Variants in DPY19L1 observed in about 807,000 individuals in gnomAD.
DPY19L1 encodes dpy-19 like C-mannosyltransferase 1.
DPY19L1 carries 35 observed loss-of-function variants against 96.9 expected under a neutral mutation model. That is an observed-to-expected ratio of 0.36 (90% CI 0.28 to 0.48). The LOEUF is 0.48. Ranked by LOEUF, DPY19L1 falls within the 20% of genes least tolerant of loss-of-function variation. The pLI is 0.99. For missense variants in DPY19L1, 521 were observed against 777.9 expected, an observed-to-expected ratio of 0.67 and a Z score of 3.93; for synonymous variants, 205 against 252.6, an observed-to-expected ratio of 0.81 and a Z score of 1.79.
chr7:34,965,740 C>T (rs1006937003), intron 10 of DPY19L1, among the ~76,000 whole-genome samples: 7 of 151,996 alleles, frequency 4.6e-5, no homozygotes, highest in African/African-American at 1.7e-4. Context: ...AAGAAAACAT[C>T]AAAATTATAA....
intron 5 of DPY19L1, 119 bp downstream of exon 5, chr7:35,011,211 A>G (rs1373007938): frequency 1.4e-5 from 17 of 1,177,892 alleles, no homozygotes; most frequent in Non-Finnish European, 1.9e-5. Flanking sequence ...CAGAATCTAT[A>G]TATGCATAAT....
chr7:34,930,685 GT>G lies in DPY19L1; in HGVS notation c.*887del, dbSNP rs1055605929. On this transcript the variant is annotated 3_prime_UTR_variant, in exon 22 of 22. Coordinates refer to ENST00000638088, the MANE Select transcript of DPY19L1 (RefSeq NM_001366673.1). ...ACTATATTTGGGGTTGTTCAAAATA[GT>G]TTTTCTTAAAACTATAATTAAACAT... 4.6e-5 allele frequency: 7 copies of G among 152,140 alleles called. No homozygotes were observed. Among genetic ancestry groups the G allele is most frequent in the African/African-American group, 1.7e-4 (7 of 41,532 alleles). 9.4% of individuals were successfully genotyped at this position (152,140 alleles called of 1,614,324 possible).
intron 1 of DPY19L1, among the ~76,000 whole-genome samples, chr7:35,026,223 G>A (rs985154283): frequency 6.6e-6 from 1 of 152,192 alleles, no homozygotes; most frequent in Admixed American, 6.5e-5. Context: ...CAGTGTCCTG[G>A]AAACCAGTAG....
chr7:35,033,573 G>T (rs740500), intron 1 of DPY19L1, among the ~76,000 whole-genome samples: 1 of 152,064 alleles, frequency 6.6e-6, no homozygotes, highest in Admixed American at 6.6e-5. Flanking sequence ...CATTTTAAGG[G>T]TGAGAAATAT....
intron 1 of DPY19L1, among the ~76,000 whole-genome samples, chr7:35,032,827 C>G (rs940959629): frequency 1.3e-5 from 2 of 152,082 alleles, no homozygotes; most frequent in Non-Finnish European, 2.9e-5. Context: ...TTCCCTCAAT[C>G]CAAGCCCAAT....
intron 6 of DPY19L1, among the ~76,000 whole-genome samples, chr7:34,995,493 A>G (rs1338066159): frequency 6.6e-6 from 1 of 152,184 alleles, no homozygotes; most frequent in African/African-American, 2.4e-5. Context: ...AATAAAAAAT[A>G]AAGTTAAAAA....
At chr7:35,001,646 A>G (rs1301197052) in intron 6 of DPY19L1, among the ~76,000 whole-genome samples, 1 of 152,152 alleles carries the variant, frequency 6.6e-6, no homozygotes, top group South Asian at 2.1e-4. Flanking sequence ...ACTGGCAGTC[A>G]CTCTAAGTTC....
At chr7:35,012,011 C>T (rs1785722470) in intron 4 of DPY19L1, among the ~76,000 whole-genome samples, 1 of 152,208 alleles carries the variant, frequency 6.6e-6, no homozygotes, top group African/African-American at 2.4e-5. Flanking sequence ...ACCCCAGATT[C>T]CCTCTTCCGG....
intron 6 of DPY19L1, among the ~76,000 whole-genome samples, chr7:34,992,080 C>T (rs931180258): frequency 5.3e-5 from 8 of 152,134 alleles, no homozygotes; most frequent in African/African-American, 1.7e-4. Flanking sequence ...GAGCTGTGCC[C>T]GGAAGCACTG....
chr7:34,996,670 C>A (rs537284722), intron 6 of DPY19L1, among the ~76,000 whole-genome samples: 1 of 152,112 alleles, frequency 6.6e-6, no homozygotes, highest in South Asian at 2.1e-4. Context: ...AATGAATGGA[C>A]CCAATCCCAC....
chr7:35,001,122 A>G (rs1785416273), intron 6 of DPY19L1, among the ~76,000 whole-genome samples: 1 of 152,302 alleles, frequency 6.6e-6, no homozygotes, highest in South Asian at 2.1e-4. Context: ...GGATTAAATG[A>G]GTTTCTGATA....
At chr7:35,018,837 C>T (rs903313586) in intron 1 of DPY19L1, among the ~76,000 whole-genome samples, 2 of 151,992 alleles carry the variant, frequency 1.3e-5, no homozygotes, top group African/African-American at 2.4e-5. Context: ...GCCTAATATC[C>T]GCTAATAGAC....
intron 16 of DPY19L1, among the ~76,000 whole-genome samples, chr7:34,943,790 G>A: frequency 6.6e-6 from 1 of 152,140 alleles, no homozygotes; most frequent in Non-Finnish European, 1.5e-5. Context: ...TTCCAGAGTT[G>A]CATACTACAG....
upstream of DPY19L1, chr7:35,037,865 G>T (rs573459058): frequency 2.4e-6 from 3 of 1,236,380 alleles, no homozygotes; most frequent in African/African-American, 4.7e-5. Context: ...ACGCGGGGGC[G>T]GACGGCCTTC....
intron 9 of DPY19L1, among the ~76,000 whole-genome samples, chr7:34,968,581 T>C (rs955904072): frequency 1.3e-5 from 2 of 151,824 alleles, no homozygotes; most frequent in African/African-American, 4.8e-5. Context: ...TCATCCTAGC[T>C]AACACGGTGA....
chr7:34,988,044 T>A (rs1395956513), intron 7 of DPY19L1: 2 of 152,092 alleles, frequency 1.3e-5, no homozygotes, highest in African/African-American at 2.4e-5. Context: ...AAAAGACAAT[T>A]CATCAGCCTG....
At chr7:34,932,857 T>A (rs1783784848) in intron 21 of DPY19L1, among the ~76,000 whole-genome samples, 1 of 152,138 alleles carries the variant, frequency 6.6e-6, no homozygotes, top group Admixed American at 6.5e-5. Context: ...CATAATTGCA[T>A]CCCTTTTTAT....
intron 3 of DPY19L1, among the ~76,000 whole-genome samples, chr7:35,015,463 G>T (rs1189726539): frequency 3.3e-5 from 5 of 152,090 alleles, no homozygotes; most frequent in Non-Finnish European, 5.9e-5. Flanking sequence ...AGTGATTTCT[G>T]GTCATCCTTA....
At chr7:34,937,313 G>A (rs140184795) in intron 21 of DPY19L1, among the ~76,000 whole-genome samples, 4,498 of 152,262 alleles carry the variant, frequency 0.03, 67 homozygotes, top group Non-Finnish European at 0.035. Flanking sequence ...AGTTTTTGCT[G>A]ACAGGGTATC....
Sources: gnomAD v4.1 joint callset for allele counts (sites outside exome capture counted in the v4.1 genomes callset) on GRCh38, gnomAD v4.1.1 for gene constraint, MANE v1.5 for transcripts, NCBI Gene and HGNC (gene_info 2026-07-23, HGNC 2026-07-21) for gene names.